Variants in CCSER1 observed in about 807,000 individuals in gnomAD.
CCSER1 encodes the protein coiled-coil serine rich protein 1.
A neutral mutation model predicts 82.0 loss-of-function variants in CCSER1; 41 were observed. The ratio of observed to expected loss-of-function variants is 0.50; its 90% CI spans 0.39 to 0.65. The LOEUF (loss-of-function observed/expected upper bound fraction) is 0.65, where lower values mean the gene tolerates loss of function less well. Among genes scored for constraint, CCSER1 ranks in the 30% least tolerant of loss-of-function variants. CCSER1 has a pLI of 0.00. For missense variants in CCSER1, 1,119 were observed against 1,064.2 expected (o/e 1.05, Z -0.72); for synonymous variants, 414 against 383.9 (o/e 1.08, Z -0.92).
chr4:91,463,771 G>A (rs541607629), intron 10 of CCSER1, among the ~76,000 whole-genome samples: 2 of 152,268 alleles, frequency 1.3e-5, no homozygotes, highest in South Asian at 2.1e-4. Flanking sequence ...AAGATCAAAT[G>A]AATGAAATGA....
chr4:90,386,251 C>A (rs1034135394), intron 3 of CCSER1, among the ~76,000 whole-genome samples: 2 of 152,152 alleles, frequency 1.3e-5, no homozygotes, highest in African/African-American at 4.8e-5. Flanking sequence ...TACCTTCCTT[C>A]AATTTACAAG....
intron 7 of CCSER1, among the ~76,000 whole-genome samples, chr4:90,787,611 C>T (rs987263695): frequency 1.3e-5 from 2 of 152,048 alleles, no homozygotes; most frequent in Non-Finnish European, 2.9e-5. Flanking sequence ...GAATGGAGAT[C>T]GAGTATGTGT....
intron 10 of CCSER1, among the ~76,000 whole-genome samples, chr4:91,160,262 A>T (rs1731249657): frequency 6.6e-6 from 1 of 152,180 alleles, no homozygotes; most frequent in African/African-American, 2.4e-5. Context: ...TCCATGATGT[A>T]TATGTGCCAC....
At chr4:91,256,181 C>T (rs989382415) in intron 10 of CCSER1, among the ~76,000 whole-genome samples, 1 of 152,094 alleles carries the variant, frequency 6.6e-6, no homozygotes. Flanking sequence ...GAGTGTCTGC[C>T]TTATGCAGTT....
At position 90,391,461 on chromosome 4, in the gene CCSER1, TATATATATATATATATATATATATAC is replaced by T. The variant is rs1326139445; in HGVS notation, c.1510-8573_1510-8548del. On this transcript the variant is annotated intron_variant, in intron 3 of 10. Coordinates refer to ENST00000509176, the MANE Select transcript of CCSER1 (RefSeq NM_001145065.2). ...ATATGGGGGTATATATATATATATATATATATATATATATATATATATATACACACACACAGTGGGTAAATATATAT... is the reference window on the plus strand; with the variant it reads ...ATATGGGGGTATATATATATATATATACACACACAGTGGGTAAATATATAT... Among the ~76,000 whole-genome samples, 320 of 86,974 alleles carry T rather than the reference TATATATATATATATATATATATATAC, an allele frequency of 3.7e-3. 8 individuals are homozygous for T. The highest frequency in any genetic ancestry group is 0.02 in the African/African-American group (300 of 14,924). 57.1% of individuals were successfully genotyped at this position (86,974 alleles called of 152,430 possible).
intron 5 of CCSER1, among the ~76,000 whole-genome samples, chr4:90,491,341 A>G (rs528405742): frequency 1.5e-4 from 23 of 152,238 alleles, no homozygotes; most frequent in African/African-American, 5.5e-4. Flanking sequence ...GTGTATAAGA[A>G]TGCTTGTGAT....
At chr4:90,409,502 A>C (rs1225275687) in intron 4 of CCSER1, among the ~76,000 whole-genome samples, 1 of 152,226 alleles carries the variant, frequency 6.6e-6, no homozygotes, top group Non-Finnish European at 1.5e-5. Context: ...AAGAATTTTC[A>C]ACCCAGAATT....
intron 10 of CCSER1, among the ~76,000 whole-genome samples, chr4:91,238,957 G>T (rs532112743): frequency 6.6e-6 from 1 of 151,908 alleles, no homozygotes; most frequent in Non-Finnish European, 1.5e-5. Context: ...CCAAGTAGCT[G>T]GGACTACAGG....
intron 10 of CCSER1, among the ~76,000 whole-genome samples, chr4:91,557,502 A>G (rs549975013): frequency 1.1e-3 from 171 of 151,628 alleles, no homozygotes; most frequent in African/African-American, 3.9e-3. Flanking sequence ...TTGATACATA[A>G]ATAAATAAAC....
At chr4:90,506,435 T>G (rs1770690683) in intron 5 of CCSER1, among the ~76,000 whole-genome samples, 1 of 152,212 alleles carries the variant, frequency 6.6e-6, no homozygotes. Context: ...TCACATTTTT[T>G]AATTCATCCA....
chr4:91,592,517 C>G (rs1764316401), intron 10 of CCSER1, among the ~76,000 whole-genome samples: 1 of 152,066 alleles, frequency 6.6e-6, no homozygotes, highest in Non-Finnish European at 1.5e-5. Context: ...AATAGGAAAC[C>G]ATGAACTTAT....
chr4:90,855,993 C>T (rs1764421613), intron 8 of CCSER1, among the ~76,000 whole-genome samples: 2 of 152,116 alleles, frequency 1.3e-5, no homozygotes, highest in Admixed American at 1.3e-4. Flanking sequence ...TTAGCAACAG[C>T]CAATGCAGAG....
intron 9 of CCSER1, among the ~76,000 whole-genome samples, chr4:91,007,784 G>T (rs187994841): frequency 1.3e-5 from 2 of 150,162 alleles, no homozygotes; most frequent in Admixed American, 1.3e-4. Context: ...AGTAATTTTT[G>T]GTTTAGTTTG....
chr4:90,844,460 T>G (rs1054055302), intron 8 of CCSER1, among the ~76,000 whole-genome samples: 1 of 152,168 alleles, frequency 6.6e-6, no homozygotes, highest in Non-Finnish European at 1.5e-5. Context: ...CACATTGGCC[T>G]TCTTATTGTT....
intron 10 of CCSER1, among the ~76,000 whole-genome samples, chr4:91,527,760 G>A (rs752342542): frequency 3.3e-4 from 50 of 152,018 alleles, no homozygotes; most frequent in Non-Finnish European, 6.6e-4. Context: ...ATGAGGATTA[G>A]CATATATAAA....
chr4:91,594,344 TACATATATATACACATATATATAC>T (rs1244115809), intron 10 of CCSER1, among the ~76,000 whole-genome samples: 6 of 146,898 alleles, frequency 4.1e-5, no homozygotes, highest in South Asian at 4.2e-4. Flanking sequence ...CACATATATA[TACATATATATACACATATATATAC>T]ACATATATAT....
chr4:90,840,414 T>A (rs942024128), intron 8 of CCSER1, among the ~76,000 whole-genome samples: 1 of 152,212 alleles, frequency 6.6e-6, no homozygotes, highest in Non-Finnish European at 1.5e-5. Context: ...TATGAAGTGC[T>A]GTGTGCTCAA....
chr4:91,451,513 A>G (rs1755868071), intron 10 of CCSER1, among the ~76,000 whole-genome samples: 1 of 149,820 alleles, frequency 6.7e-6, no homozygotes, highest in South Asian at 2.1e-4. Flanking sequence ...AAAGAAGTAG[A>G]AGACCAGGAA....
chr4:90,177,984 G>C (rs1733016926), intron 1 of CCSER1, among the ~76,000 whole-genome samples: 2 of 151,998 alleles, frequency 1.3e-5, no homozygotes, highest in African/African-American at 4.8e-5. Flanking sequence ...TGGATTTTCA[G>C]ATGCTCAACC....
Sources: allele counts gnomAD v4.1 joint callset (sites outside exome capture counted in the v4.1 genomes callset), GRCh38; gene constraint gnomAD v4.1.1; transcripts MANE v1.5; gene names NCBI Gene and HGNC (gene_info 2026-07-23, HGNC 2026-07-21).